Variants in TNFSF4 observed in about 807,000 individuals in gnomAD.
TNFSF4 encodes tumor necrosis factor ligand superfamily member 4.
A neutral mutation model predicts 7.3 loss-of-function variants in TNFSF4; 4 were observed. The observed-to-expected ratio is 0.55, with a 90% CI of 0.27 to 1.25. TNFSF4 has a LOEUF of 1.25. Ranked by LOEUF, TNFSF4 falls within the 50% of genes most tolerant of loss-of-function variation. TNFSF4 has a pLI of 0.12. For missense variants in TNFSF4, 181 were observed against 208.8 expected, an observed-to-expected ratio of 0.87 and a Z score of 0.82; for synonymous variants, 76 against 83.7, an observed-to-expected ratio of 0.91 and a Z score of 0.50.
the TNFSF4 span, among the ~76,000 whole-genome samples, chr1:173,298,882 T>C: frequency 6.6e-6 from 1 of 151,884 alleles, no homozygotes; most frequent in African/African-American, 2.4e-5. Flanking sequence ...TTTAAGCAAA[T>C]CACACTGGAT....
the TNFSF4 span, among the ~76,000 whole-genome samples, chr1:173,316,098 T>C: frequency 6.6e-6 from 1 of 152,176 alleles, no homozygotes; most frequent in Admixed American, 6.5e-5. Context: ...TTTCATTCTT[T>C]TGCATGTCAA....
At chr1:173,428,107 G>A in the TNFSF4 span, among the ~76,000 whole-genome samples, 35 of 151,926 alleles carry the variant, frequency 2.3e-4, no homozygotes, top group Non-Finnish European at 4.4e-4. Flanking sequence ...CACCACACCC[G>A]GCTACTTTTT....
the TNFSF4 span, among the ~76,000 whole-genome samples, chr1:173,269,504 C>T: frequency 6.6e-6 from 1 of 152,064 alleles, no homozygotes; most frequent in East Asian, 1.9e-4. Flanking sequence ...ACTATTTTTG[C>T]ATGCTTTGGG....
chr1:173,198,085 T>C (rs972013936), intron 1 of TNFSF4, among the ~76,000 whole-genome samples: 1 of 152,200 alleles, frequency 6.6e-6, no homozygotes, highest in Non-Finnish European at 1.5e-5. Context: ...GTAGCAGAAT[T>C]ACTGCAGTCA....
At chr1:173,263,580 T>C in the TNFSF4 span, among the ~76,000 whole-genome samples, 1 of 152,236 alleles carries the variant, frequency 6.6e-6, no homozygotes, top group East Asian at 1.9e-4. Context: ...TCATTCACTT[T>C]CTCATTTTCT....
the TNFSF4 span, chr1:173,362,330 A>C: frequency 5.0e-6 from 1 of 199,874 alleles, no homozygotes; most frequent in African/African-American, 2.3e-5. Flanking sequence ...TCACATCAAC[A>C]TGATGACAAT....
chr1:173,281,515 T>C, the TNFSF4 span, among the ~76,000 whole-genome samples: 4 of 152,192 alleles, frequency 2.6e-5, no homozygotes, highest in Non-Finnish European at 4.4e-5. Flanking sequence ...TAAGCACTAA[T>C]GTATGACTGC....
the TNFSF4 span, among the ~76,000 whole-genome samples, chr1:173,319,869 A>C: frequency 1.3e-5 from 2 of 152,202 alleles, no homozygotes; most frequent in Non-Finnish European, 2.9e-5. Context: ...CTCAAAGATC[A>C]AAGGTAGATA....
the TNFSF4 span, among the ~76,000 whole-genome samples, chr1:173,438,404 C>A: frequency 1.3e-5 from 2 of 152,134 alleles, no homozygotes; most frequent in Non-Finnish European, 2.9e-5. Context: ...CTGAATGGGT[C>A]CCCCTGAAAA....
At chr1:173,294,360 C>A in the TNFSF4 span, among the ~76,000 whole-genome samples, 4 of 151,916 alleles carry the variant, frequency 2.6e-5, no homozygotes, top group African/African-American at 9.7e-5. Context: ...GAACAGAAAA[C>A]CAAATACTGC....
chr1:173,219,957 G>C, the TNFSF4 span, among the ~76,000 whole-genome samples: 1 of 151,980 alleles, frequency 6.6e-6, no homozygotes, highest in Non-Finnish European at 1.5e-5. Context: ...TACACTGCTC[G>C]GGTGATGGGT....
chr1:173,284,315 T>C, the TNFSF4 span, among the ~76,000 whole-genome samples: 1 of 152,180 alleles, frequency 6.6e-6, no homozygotes, highest in East Asian at 1.9e-4. Flanking sequence ...GTAAAGTAGC[T>C]AGACCCTGGA....
the TNFSF4 span, among the ~76,000 whole-genome samples, chr1:173,232,627 T>C: frequency 6.6e-6 from 1 of 152,210 alleles, no homozygotes; most frequent in Non-Finnish European, 1.5e-5. Context: ...GCTATTATTA[T>C]TTTGAGATAC....
At chr1:173,358,045 TGGG>T in the TNFSF4 span, among the ~76,000 whole-genome samples, 11 of 152,270 alleles carry the variant, frequency 7.2e-5, no homozygotes, top group East Asian at 2.1e-3. Context: ...GATTTTGAGA[TGGG>T]GGGGGGTATC....
At chr1:173,444,043 G>A in the TNFSF4 span, among the ~76,000 whole-genome samples, 1 of 152,182 alleles carries the variant, frequency 6.6e-6, no homozygotes, top group South Asian at 2.1e-4. Flanking sequence ...AAAAGGGACA[G>A]GAAGACACAA....
the TNFSF4 span, among the ~76,000 whole-genome samples, chr1:173,285,262 A>G: frequency 6.6e-6 from 1 of 152,148 alleles, no homozygotes; most frequent in African/African-American, 2.4e-5. Context: ...ATATGACTCA[A>G]TTGCTGCAAT....
At chr1:173,367,291 AT>A in the TNFSF4 span, among the ~76,000 whole-genome samples, 2 of 152,174 alleles carry the variant, frequency 1.3e-5, no homozygotes, top group South Asian at 4.1e-4. Flanking sequence ...ATATTTTACC[AT>A]GGCACACATT....
chr1:173,219,938 G>C, the TNFSF4 span, among the ~76,000 whole-genome samples: 1 of 151,924 alleles, frequency 6.6e-6, no homozygotes, highest in Non-Finnish European at 1.5e-5. Flanking sequence ...CTAAACATTG[G>C]GTACAGCGTA....
downstream of TNFSF4, among the ~76,000 whole-genome samples, chr1:173,181,798 A>T (rs1649059829): frequency 6.6e-6 from 1 of 152,170 alleles, no homozygotes; most frequent in Non-Finnish European, 1.5e-5. Context: ...GGTAATATTG[A>T]CATTTACATT....
Sources: allele counts gnomAD v4.1 joint callset (sites outside exome capture counted in the v4.1 genomes callset), GRCh38; gene constraint gnomAD v4.1.1; transcripts MANE v1.5; gene names NCBI Gene and HGNC (gene_info 2026-07-23, HGNC 2026-07-21).